DLST: variants seen among roughly 807,000 people sequenced by gnomAD.
DLST encodes the protein dihydrolipoamide S-succinyltransferase.
In DLST, 17 loss-of-function variants were observed where a neutral mutation model predicts 53.1. That is an observed-to-expected ratio of 0.32 (90% CI 0.22 to 0.48). The LOEUF (loss-of-function observed/expected upper bound fraction) is 0.48, where lower values mean the gene tolerates loss of function less well. Ranked by LOEUF, DLST falls within the 20% of genes least tolerant of loss-of-function variation. The probability of loss-of-function intolerance (pLI) is 0.99; values close to 1 mark genes in which losing one functional copy is unlikely to be tolerated. For synonymous variants in DLST, 206 were observed against 204.8 expected (o/e 1.01, Z -0.05); for missense variants, 512 against 583.9 (o/e 0.88, Z 1.27).
At chr14:74,899,476 T>C (rs1185270635) in intron 11 of DLST, among the ~76,000 whole-genome samples, 1 of 152,132 alleles carries the variant, frequency 6.6e-6, no homozygotes, top group East Asian at 1.9e-4. Context: ...CGCTTACTCT[T>C]GGATCTCCCC....
At position 74,885,622 on chromosome 14, in the gene DLST, G is replaced by A; in HGVS notation, c.134G>A (p.Ser45Asn). 1 of 1,613,544 alleles carries A rather than the reference G, an allele frequency of 6.2e-7. No homozygotes were observed. The highest frequency in any genetic ancestry group is 8.5e-7 in the Non-Finnish European group (1 of 1,179,692). The change falls in exon 3 of 15, where the codon AGC becomes AAC. Residue 45 changes from serine (S) to asparagine (N), a missense_variant. This residue lies in a region of DLST where 129 missense variants were observed against 90.9 expected (regional missense o/e 1.42). Transcript: ENST00000334220. ...TGCCAGGGACCAGGTTACCCTAACA[G>A]CAGGAAGGTTGTGTAAGTATCACTG... ...SLCQGPGYPNSRKVVINNSVF... is the reference protein window; with the variant it reads ...SLCQGPGYPNNRKVVINNSVF...
At position 74,899,944 on chromosome 14, in the gene DLST, A is replaced by AG; in HGVS notation, c.925dup (p.Val309GlyfsTer4). On this transcript the variant is annotated frameshift_variant, in exon 12 of 15. Transcript: ENST00000334220. LOFTEE classifies it high-confidence loss of function. ...ATAGTGATTGACGACACAACCAAAG[A>AG]GGTGGTGTATAGGGATTATATTGAC... 6.2e-7 allele frequency: 1 copy of AG among 1,613,276 alleles called. No individual in the cohort carries two copies. Among genetic ancestry groups the AG allele is most frequent in the Non-Finnish European group, 8.5e-7 (1 of 1,179,676 alleles).
chr14:74,890,781 C>T (rs908407759), intron 6 of DLST, among the ~76,000 whole-genome samples: 6 of 152,108 alleles, frequency 3.9e-5, no homozygotes, highest in African/African-American at 1.4e-4. Flanking sequence ...GGCACGATAT[C>T]GGCTCCACCT....
chr14:74,889,016 G>T, intron 3 of DLST, 79 bp from the exon 4 acceptor site: 1 of 1,439,332 alleles, frequency 6.9e-7, no homozygotes, highest in African/African-American at 1.4e-5. Context: ...TAAGGGGAAG[G>T]TGACCCATGG....
intron 11 of DLST, 26 bp from the exon 12 acceptor site, chr14:74,899,897 T>C: frequency 5.7e-6 from 9 of 1,581,398 alleles, no homozygotes; most frequent in Non-Finnish European, 7.8e-6. Flanking sequence ...GGGAGTTGTA[T>C]GTAACATGTA....
Position 74,896,024 on chromosome 14 carries a change from T to C in DLST, c.770+1615T>C, listed in dbSNP as rs562927683. 4.6e-5 allele frequency among the ~76,000 whole-genome samples: 7 copies of C among 152,228 alleles called. No homozygotes were observed. The East Asian group carries it at 1.4e-3, about 29-fold the overall frequency. Reference sequence around the variant, plus strand: ...GGCATGTGCCACCAGGCTTGGCCAATTTTTTTAGTTTTTGTAGAGACAAGG... The same window carrying C: ...GGCATGTGCCACCAGGCTTGGCCAACTTTTTTAGTTTTTGTAGAGACAAGG... On this transcript the variant is annotated intron_variant, in intron 10 of 14. Transcript: ENST00000334220.
At position 74,897,685 on chromosome 14, in the gene DLST, G is replaced by C. The variant is rs1010614901; in HGVS notation, c.771-684G>C. Among the ~76,000 whole-genome samples, 7 of 152,200 alleles carry C rather than the reference G, an allele frequency of 4.6e-5. 1 individual carries two copies. The highest frequency in any genetic ancestry group is 1.4e-4 in the African/African-American group (6 of 41,436). On this transcript the variant is annotated intron_variant, in intron 10 of 14. Transcript: ENST00000334220. ...GCTTTGTATCTTGGTACCTGGCCCT[G>C]ACCCTCACATGTAGTAAGGTGTTAG...
chr14:74,889,744 T>C, intron 5 of DLST, 153 bp from the exon 6 acceptor site: 1 of 692,160 alleles, frequency 1.4e-6, no homozygotes, highest in Non-Finnish European at 2.5e-6. Flanking sequence ...AGGATAGTTG[T>C]AGAATTTATA....
chr14:74,893,170 CTT>C lies in DLST; in HGVS notation c.596-176_596-175del, dbSNP rs941800743. On this transcript the variant is annotated intron_variant, in intron 8 of 14. Coordinates refer to ENST00000334220, the MANE Select transcript of DLST (RefSeq NM_001933.5). Reference sequence around the variant, plus strand: ...CAGCTTTCTGTTACTAGCTGTGTGTCTTTAGGCTAGTCACTTAATTTATCTGA... The same window carrying C: ...CAGCTTTCTGTTACTAGCTGTGTGTCTAGGCTAGTCACTTAATTTATCTGA... Among the ~76,000 whole-genome samples the C allele has an allele frequency of 4.7e-4, 72 of 152,152 alleles. 4 individuals carry two copies. Among genetic ancestry groups the C allele is most frequent in the Non-Finnish European group, 5.9e-5 (4 of 68,046 alleles).
chr14:74,889,833 G>A, intron 5 of DLST, 64 bp from the exon 6 acceptor site: 4 of 1,560,262 alleles, frequency 2.6e-6, no homozygotes, highest in Non-Finnish European at 3.5e-6. Context: ...GCCAAAATGG[G>A]TTTTGTGGCT....
intron 11 of DLST, 128 bp from the exon 12 acceptor site, chr14:74,899,795 T>G: frequency 1.5e-6 from 1 of 669,020 alleles, no homozygotes; most frequent in Non-Finnish European, 2.7e-6. Context: ...TGCAGTGGTG[T>G]TCATGGTGGT....
In DLST at chr14:74,900,281, C is replaced by G; in HGVS notation, c.976-8C>G. On this transcript the variant is annotated splice_region_variant and splice_polypyrimidine_tract_variant and intron_variant, in intron 12 of 14. Coordinates refer to ENST00000334220, the MANE Select transcript of DLST (RefSeq NM_001933.5). ...TTGCAACTGAAAACAGCTTTTCACC[C>G]CCTTCAGGGTCTGGTGGTTCCAGTC... The G allele has an allele frequency of 6.2e-7, 1 of 1,613,696 alleles. No homozygotes were observed. The highest frequency in any genetic ancestry group is 8.5e-7 in the Non-Finnish European group (1 of 1,179,798).
rs1883809914 is a variant in DLST at position 74,889,146 on chromosome 14, C to T, written c.198C>T (p.Cys66=). Residue 66 remains cysteine (C), a splice_region_variant and synonymous_variant, in exon 4 of 15, where the codon TGC becomes TGT. Transcript: ENST00000334220. ...GCTTTTTCAGAACTACAGCTGTATG[C>T]AGTAAGTACCTGCTTTCTTGGGAAT... ...SVRFFRTTAV[C]KDDLVTVKTP... is the part of the protein sequence containing the mutation. 3.7e-6 allele frequency: 6 copies of T among 1,613,858 alleles called. No individual in the cohort carries two copies. The highest frequency in any genetic ancestry group is 5.1e-6 in the Non-Finnish European group (6 of 1,179,922).
chr14:74,894,525 G>C, intron 10 of DLST, 116 bp downstream of exon 10: 1 of 1,122,768 alleles, frequency 8.9e-7, no homozygotes, highest in Non-Finnish European at 1.3e-6. Context: ...AGAGGTATTT[G>C]TTTATTGTTT....
rs1480618457 is a variant in DLST, at chr14:74,891,425, CT to C, written c.442+262del. 7 of 1,142,582 alleles carry C rather than the reference CT, an allele frequency of 6.1e-6. No homozygotes were observed. The South Asian group carries it at 9.2e-5, about 15-fold the overall frequency. The allele number at this position is 1,142,582 out of a possible 1,614,324, so 70.8% of individuals were successfully genotyped here. ...CTTAGCAGGAGCTGAGAAACTGGACCTTTTCTTATAGATATACAGATTGAGC... is the reference window on the plus strand; with the variant it reads ...CTTAGCAGGAGCTGAGAAACTGGACCTTTCTTATAGATATACAGATTGAGC... On this transcript the variant is annotated intron_variant, in intron 7 of 14. Coordinates refer to ENST00000334220, the MANE Select transcript of DLST (RefSeq NM_001933.5).
chr14:74,897,503 C>T (rs901439519), intron 10 of DLST, among the ~76,000 whole-genome samples: 1 of 152,166 alleles, frequency 6.6e-6, no homozygotes, highest in Non-Finnish European at 1.5e-5. Context: ...AAACCAGTCC[C>T]AAAAGAATAA....
chr14:74,895,428 C>T (rs1290844833), intron 10 of DLST, among the ~76,000 whole-genome samples: 5 of 152,136 alleles, frequency 3.3e-5, no homozygotes, highest in East Asian at 3.8e-4. Context: ...GTTTTGAGTG[C>T]GTACTGTATA....
chr14:74,889,195 A>G (rs1555373197), intron 4 of DLST, 48 bp downstream of exon 4: 21 of 1,610,230 alleles, frequency 1.3e-5, no homozygotes, highest in Admixed American at 1.7e-5. Flanking sequence ...AAGAGCAACA[A>G]TTGATTGAGT....
Position 74,897,234 on chromosome 14 carries a change from C to G in DLST, c.771-1135C>G, listed in dbSNP as rs531891363. Among the ~76,000 whole-genome samples, 81 of 152,274 alleles carry G rather than the reference C, an allele frequency of 5.3e-4. No individual in the cohort carries two copies. The South Asian group carries it at 9.3e-3, about 18-fold the overall frequency. ...AAGCATTTTAAACCCAATCAGTCCC[C>G]CTTGGAAAAACTTCCTTTTTCAAAA... is the stretch of plus-strand genomic sequence containing the variant. On this transcript the variant is annotated intron_variant, in intron 10 of 14. Transcript: ENST00000334220.
Sources: allele counts gnomAD v4.1 joint callset (sites outside exome capture counted in the v4.1 genomes callset), GRCh38; gene constraint gnomAD v4.1.1; regional missense constraint gnomAD v4.1.1; transcripts MANE v1.5; gene names NCBI Gene and HGNC (gene_info 2026-07-23, HGNC 2026-07-21).